The following CCBE1 variants were observed in gnomAD, a reference collection of about 807,000 sequenced individuals.
CCBE1 encodes collagen and calcium-binding EGF domain-containing protein 1.
Under a neutral mutation model 50.0 loss-of-function variants are expected in CCBE1, and 37 were observed. The ratio of observed to expected loss-of-function variants is 0.74; its 90% CI spans 0.57 to 0.97. The LOEUF is 0.97. Among genes scored for constraint, CCBE1 ranks in the 50% least tolerant of loss-of-function variants. The pLI, the probability that CCBE1 is intolerant of heterozygous loss-of-function variation, is 0.00. For synonymous variants in CCBE1, 234 were observed against 203.7 expected (o/e 1.15, Z -1.27); for missense variants, 538 against 523.8 (o/e 1.03, Z -0.26).
chr18:59,522,293 A>T (rs571393185), intron 2 of CCBE1, among the ~76,000 whole-genome samples: 1 of 152,320 alleles, frequency 6.6e-6, no homozygotes, highest in South Asian at 2.1e-4. Flanking sequence ...AAGTGAAACA[A>T]CGTAAGATGA....
At chr18:59,447,400 T>C (rs1910725745) in intron 7 of CCBE1, among the ~76,000 whole-genome samples, 1 of 152,188 alleles carries the variant, frequency 6.6e-6, no homozygotes, top group African/African-American at 2.4e-5. Context: ...AAATATAGGA[T>C]GGGAGTTACA....
chr18:59,616,159 G>A (rs2053633975), intron 2 of CCBE1, among the ~76,000 whole-genome samples: 1 of 152,182 alleles, frequency 6.6e-6, no homozygotes, highest in South Asian at 2.1e-4. Flanking sequence ...GCTGCAGAGT[G>A]CAGGGCAGCC....
chr18:59,461,300 CTTT>C (rs11379671), intron 5 of CCBE1, among the ~76,000 whole-genome samples: 3 of 133,680 alleles, frequency 2.2e-5, no homozygotes, highest in Non-Finnish European at 3.2e-5. Context: ...AGTGGAGGCA[CTTT>C]TTTTTTTTTT....
chr18:59,672,542 CTG>C (rs2054446713), intron 2 of CCBE1, among the ~76,000 whole-genome samples: 1 of 152,154 alleles, frequency 6.6e-6, no homozygotes, highest in Admixed American at 6.5e-5. Context: ...TGGAAGAGAA[CTG>C]AAGCATTTCT....
chr18:59,628,679 G>T (rs1271818562), intron 2 of CCBE1, among the ~76,000 whole-genome samples: 1 of 152,148 alleles, frequency 6.6e-6, no homozygotes, highest in African/African-American at 2.4e-5. Context: ...GTAGCCTTGG[G>T]AAAGGGCTTC....
chr18:59,485,109 T>C (rs1175747139), intron 2 of CCBE1, among the ~76,000 whole-genome samples: 5 of 152,210 alleles, frequency 3.3e-5, no homozygotes, highest in African/African-American at 9.6e-5. Context: ...CTTCACGTGT[T>C]GTAGCTTGGT....
chr18:59,548,173 T>C (rs1333604179), intron 2 of CCBE1, among the ~76,000 whole-genome samples: 1 of 152,176 alleles, frequency 6.6e-6, no homozygotes, highest in East Asian at 1.9e-4. Context: ...TCCGAGATCA[T>C]ATCACTGGCC....
At chr18:59,575,837 C>T (rs1332734816) in intron 2 of CCBE1, among the ~76,000 whole-genome samples, 1 of 152,186 alleles carries the variant, frequency 6.6e-6, no homozygotes, top group Non-Finnish European at 1.5e-5. Flanking sequence ...CCCCTCCCAC[C>T]TCGCCAATTT....
At chr18:59,653,516 C>T (rs1324015334) in intron 2 of CCBE1, among the ~76,000 whole-genome samples, 2 of 152,178 alleles carry the variant, frequency 1.3e-5, no homozygotes, top group Non-Finnish European at 2.9e-5. Context: ...GTGTGCTTTT[C>T]ACATTGTCTG....
In CCBE1 at chr18:59,466,630, T is replaced by A. The variant is rs8083041; in HGVS notation, c.553+109A>T. On this transcript the variant is annotated intron_variant, in intron 5 of 10. Coordinates refer to ENST00000439986, the MANE Select transcript of CCBE1 (RefSeq NM_133459.4). ...GCATAATTACATAAATATATTTATATATACAATTATATAATCATATCTATA... is the reference window on the plus strand; with the variant it reads ...GCATAATTACATAAATATATTTATAAATACAATTATATAATCATATCTATA... 159,418 of 471,852 alleles carry A rather than the reference T, an allele frequency of 0.34. 31,266 individuals are homozygous for A. The highest frequency in any genetic ancestry group is 0.9 in the East Asian group (15,914 of 17,640). The allele number at this position is 471,852 out of a possible 1,614,324, so 29.2% of individuals were successfully genotyped here.
intron 2 of CCBE1, among the ~76,000 whole-genome samples, chr18:59,540,408 A>G (rs1287549015): frequency 6.6e-6 from 1 of 152,236 alleles, no homozygotes. Context: ...AGAGTCAAAT[A>G]TGTTCCAGTG....
chr18:59,654,791 CAAAA>C (rs34690890), intron 2 of CCBE1, among the ~76,000 whole-genome samples: 1 of 94,318 alleles, frequency 1.1e-5, no homozygotes, highest in African/African-American at 4.4e-5. Flanking sequence ...ACTCCGTCTC[CAAAA>C]AAAAAAAAAA....
intron 9 of CCBE1, among the ~76,000 whole-genome samples, chr18:59,439,024 C>T (rs11152145): frequency 0.66 from 99,515 of 151,896 alleles, 33,155 homozygotes; most frequent in South Asian, 0.77. Context: ...TGGTGGCTCA[C>T]GCCTGTAATC....
chr18:59,606,972 T>C (rs976673937), intron 2 of CCBE1, among the ~76,000 whole-genome samples: 1 of 150,808 alleles, frequency 6.6e-6, no homozygotes, highest in Admixed American at 6.6e-5. Context: ...ACTGTCCGAG[T>C]CATGTCTGTA....
intron 2 of CCBE1, among the ~76,000 whole-genome samples, chr18:59,513,255 C>T (rs977314025): frequency 5.3e-5 from 8 of 152,100 alleles, no homozygotes; most frequent in Admixed American, 3.3e-4. Flanking sequence ...TTGTAGTGAG[C>T]GGAGATTGTG....
At chr18:59,601,458 T>C (rs1419095109) in intron 2 of CCBE1, among the ~76,000 whole-genome samples, 5 of 152,182 alleles carry the variant, frequency 3.3e-5, no homozygotes, top group African/African-American at 1.2e-4. Flanking sequence ...TGCTCCTCCT[T>C]CATCTTCCAC....
intron 2 of CCBE1, among the ~76,000 whole-genome samples, chr18:59,501,517 C>T (rs1220387158): frequency 2.0e-5 from 3 of 152,116 alleles, no homozygotes; most frequent in African/African-American, 7.2e-5. Context: ...ATCTGTTGAA[C>T]TAAGTGTCGA....
chr18:59,623,114 C>A (rs531351844), intron 2 of CCBE1, among the ~76,000 whole-genome samples: 213 of 152,230 alleles, frequency 1.4e-3, no homozygotes, highest in African/African-American at 5.0e-3. Context: ...GGAGGAAATA[C>A]CTATCCATGT....
At chr18:59,681,243 G>A (rs1180661077) in intron 2 of CCBE1, among the ~76,000 whole-genome samples, 1 of 152,126 alleles carries the variant, frequency 6.6e-6, no homozygotes, top group Admixed American at 6.5e-5. Flanking sequence ...AAGTCTTTAC[G>A]AGGGCCCTTA....
Sources: allele counts gnomAD v4.1 joint callset (sites outside exome capture counted in the v4.1 genomes callset), GRCh38; gene constraint gnomAD v4.1.1; transcripts MANE v1.5; gene names NCBI Gene and HGNC (gene_info 2026-07-23, HGNC 2026-07-21).